The following TENM2 variants were observed in gnomAD, a reference collection of about 807,000 sequenced individuals.
TENM2 encodes the protein teneurin transmembrane protein 2.
In TENM2, 52 loss-of-function variants were observed where a neutral mutation model predicts 245.2. That is an observed-to-expected ratio of 0.21 (90% CI 0.17 to 0.27). The LOEUF is 0.27. Ranked by LOEUF, TENM2 falls within the 10% of genes least tolerant of loss-of-function variation. TENM2 has a pLI of 1.00. For missense variants in TENM2, 3,046 were observed against 3,666.8 expected, an observed-to-expected ratio of 0.83 and a Z score of 4.37; for synonymous variants, 1,363 against 1,438.9, an observed-to-expected ratio of 0.95 and a Z score of 1.19.
intron 1 of TENM2, among the ~76,000 whole-genome samples, chr5:167,302,105 G>A (rs775782870): frequency 1.1e-4 from 17 of 152,064 alleles, no homozygotes; most frequent in Non-Finnish European, 2.5e-4. Flanking sequence ...ACTATGGAGG[G>A]ACTGATGTGT....
the TENM2 span, among the ~76,000 whole-genome samples, chr5:167,234,274 T>C: frequency 3.9e-5 from 6 of 152,210 alleles, no homozygotes; most frequent in Non-Finnish European, 5.9e-5. Context: ...GTCCTTTTTT[T>C]CTCTTCCTCT....
the TENM2 span, among the ~76,000 whole-genome samples, chr5:166,990,872 G>A: frequency 1.3e-5 from 2 of 152,176 alleles, no homozygotes; most frequent in African/African-American, 4.8e-5. Context: ...TTGAAGAGAA[G>A]AGCTGTTGAT....
chr5:168,004,509 GCGCGCGCGCA>G (rs1562040573), intron 5 of TENM2, among the ~76,000 whole-genome samples: 2,714 of 113,390 alleles, frequency 0.024, 95 homozygotes, highest in African/African-American at 0.091. Flanking sequence ...GCACGCATGC[GCGCGCGCGCA>G]CACACACACA....
the TENM2 span, among the ~76,000 whole-genome samples, chr5:167,234,817 G>C: frequency 1.3e-5 from 2 of 152,144 alleles, no homozygotes; most frequent in East Asian, 3.9e-4. Flanking sequence ...TAAAAATGTG[G>C]TGAAAATGAC....
At chr5:167,886,984 G>T (rs1394446199) in intron 3 of TENM2, among the ~76,000 whole-genome samples, 3 of 152,106 alleles carry the variant, frequency 2.0e-5, no homozygotes, top group Admixed American at 2.0e-4. Flanking sequence ...AGTTGTTGGG[G>T]CTTTAGCTCT....
At chr5:167,225,962 A>G in the TENM2 span, among the ~76,000 whole-genome samples, 1 of 152,094 alleles carries the variant, frequency 6.6e-6, no homozygotes, top group Admixed American at 6.5e-5. Flanking sequence ...ATAGTTGTTC[A>G]TAATAGTGTC....
At chr5:167,567,672 G>A (rs935890218) in intron 2 of TENM2, among the ~76,000 whole-genome samples, 18 of 152,142 alleles carry the variant, frequency 1.2e-4, no homozygotes, top group African/African-American at 3.9e-4. Flanking sequence ...CTTGAACACT[G>A]GTTGATGCGC....
the TENM2 span, among the ~76,000 whole-genome samples, chr5:167,228,904 C>G: frequency 5.3e-5 from 8 of 152,068 alleles, no homozygotes; most frequent in Non-Finnish European, 1.0e-4. Flanking sequence ...GGGGTTTCAA[C>G]ATTCACAGGA....
In TENM2 at chr5:168,020,190, A is replaced by G. The variant is rs369077096; in HGVS notation, c.1186+27008A>G. Among the ~76,000 whole-genome samples the G allele has an allele frequency of 2.6e-5, 4 of 152,322 alleles. 1 individual carries two copies. The highest frequency in any genetic ancestry group is 9.6e-5 in the African/African-American group (4 of 41,566). On this transcript the variant is annotated intron_variant, in intron 5 of 28. Transcript: ENST00000518659. ...TTTAGACCTCCCCCGACCCAAATAT[A>G]TACTTGCCACTTTGCTACAAAAGAC... is the stretch of plus-strand genomic sequence containing the variant.
chr5:167,244,194 C>T, the TENM2 span, among the ~76,000 whole-genome samples: 1 of 152,066 alleles, frequency 6.6e-6, no homozygotes, highest in Non-Finnish European at 1.5e-5. Context: ...CATCAGAGGT[C>T]TTTACATTTA....
At chr5:168,121,720 T>A (rs565577295) in intron 10 of TENM2, among the ~76,000 whole-genome samples, 8 of 146,144 alleles carry the variant, frequency 5.5e-5, no homozygotes, top group African/African-American at 2.1e-4. Context: ...AGATTGTGAT[T>A]TTTTTTTTTT....
intron 2 of TENM2, among the ~76,000 whole-genome samples, chr5:167,822,825 T>C (rs186847953): frequency 1.8e-4 from 27 of 152,320 alleles, no homozygotes; most frequent in Admixed American, 1.2e-3. Flanking sequence ...CGATTAACAT[T>C]TAGCATCAGT....
chr5:167,271,494 T>C, the TENM2 span, among the ~76,000 whole-genome samples: 5 of 152,282 alleles, frequency 3.3e-5, no homozygotes, highest in African/African-American at 4.8e-5. Flanking sequence ...CAATCTGATA[T>C]AGATATTTGT....
chr5:167,495,249 T>G (rs200313136), intron 2 of TENM2, among the ~76,000 whole-genome samples: 3 of 151,648 alleles, frequency 2.0e-5, no homozygotes, highest in South Asian at 4.1e-4. Context: ...TTTTTGTTTT[T>G]TTTTTTTGCA....
At chr5:167,102,386 A>G in the TENM2 span, among the ~76,000 whole-genome samples, 7 of 152,286 alleles carry the variant, frequency 4.6e-5, no homozygotes, top group African/African-American at 1.7e-4. Flanking sequence ...GCTGTGTGGC[A>G]GGTTTTGTGG....
chr5:167,443,566 C>T (rs1362148417), intron 2 of TENM2, among the ~76,000 whole-genome samples: 2 of 152,052 alleles, frequency 1.3e-5, no homozygotes, highest in African/African-American at 4.8e-5. Context: ...CTTTTATTAC[C>T]TTGAAACATT....
At chr5:167,746,675 C>CAGAGAGAGAGAGAG (rs57973052) in intron 2 of TENM2, among the ~76,000 whole-genome samples, 2,659 of 117,032 alleles carry the variant, frequency 0.023, 98 homozygotes, top group Admixed American at 0.07. Flanking sequence ...AAATTACCAA[C>CAGAGAGAGAGAGAG]AGAGAGAGAG....
At chr5:167,161,137 C>A in the TENM2 span, among the ~76,000 whole-genome samples, 1 of 152,212 alleles carries the variant, frequency 6.6e-6, no homozygotes, top group Admixed American at 6.5e-5. Flanking sequence ...TCCTGCAGTA[C>A]ATCCCAGGGA....
In TENM2 at chr5:167,356,217, A is replaced by AAAAATT. The variant is rs1759324511; in HGVS notation, c.227-18970_227-18965dup. On this transcript the variant is annotated intron_variant, in intron 1 of 28. Coordinates refer to ENST00000518659, the Ensembl canonical transcript of TENM2. ...AAAAAAAAAAAAAAAAAAAAAAAAA[A>AAAAATT]AAAATTAAAATTAAAAAAAAGGCAG... Among the ~76,000 whole-genome samples the AAAAATT allele has an allele frequency of 6.0e-4, 78 of 129,140 alleles. 1 individual carries two copies. Among genetic ancestry groups the AAAAATT allele is most frequent in the African/African-American group, 2.3e-3 (73 of 31,232 alleles). 84.7% of individuals were successfully genotyped at this position (129,140 alleles called of 152,430 possible). A position where few individuals can be genotyped will look rare whatever the true frequency, so the allele number is the denominator to read the frequency against.
Sources: gnomAD v4.1 joint callset for allele counts (sites outside exome capture counted in the v4.1 genomes callset) on GRCh38, gnomAD v4.1.1 for gene constraint, MANE v1.5 for transcripts, NCBI Gene and HGNC (gene_info 2026-07-23, HGNC 2026-07-21) for gene names.